MPHOSPH9: variants seen among roughly 807,000 people sequenced by gnomAD.
The protein encoded by MPHOSPH9 is M-phase phosphoprotein 9.
A neutral mutation model predicts 145.5 loss-of-function variants in MPHOSPH9; 88 were observed. The ratio of observed to expected loss-of-function variants is 0.60; its 90% CI spans 0.51 to 0.72. MPHOSPH9 has a LOEUF of 0.72. MPHOSPH9 is among the 30% of genes least tolerant of loss of function. The pLI, the probability that MPHOSPH9 is intolerant of heterozygous loss-of-function variation, is 0.00. For missense variants in MPHOSPH9, 1,238 were observed against 1,386.6 expected, an observed-to-expected ratio of 0.89 and a Z score of 1.70; for synonymous variants, 435 against 486.2, an observed-to-expected ratio of 0.89 and a Z score of 1.39.
intron 3 of MPHOSPH9, chr12:123,226,219 A>AT: frequency 1.7e-6 from 1 of 595,180 alleles, no homozygotes; most frequent in South Asian, 5.5e-5. Context: ...TGAAAACTCA[A>AT]TTTTTTAAGC....
chr12:123,209,433 T>G (rs1369560436), intron 8 of MPHOSPH9, among the ~76,000 whole-genome samples: 2 of 150,392 alleles, frequency 1.3e-5, no homozygotes, highest in African/African-American at 4.9e-5. Context: ...TGAGATGGAG[T>G]TGCACTCTCG....
chr12:123,187,866 C>T (rs1365887970), intron 13 of MPHOSPH9, among the ~76,000 whole-genome samples: 1 of 152,148 alleles, frequency 6.6e-6, no homozygotes, highest in Non-Finnish European at 1.5e-5. Flanking sequence ...TGGCTCGCAC[C>T]TGTAATCCCA....
chr12:123,188,755 G>A (rs2045557423), intron 13 of MPHOSPH9, among the ~76,000 whole-genome samples: 1 of 152,214 alleles, frequency 6.6e-6, no homozygotes, highest in African/African-American at 2.4e-5. Context: ...GGCTAAGGCA[G>A]GGGAATCGCT....
At chr12:123,165,831 G>T (rs1447180920) in intron 17 of MPHOSPH9, among the ~76,000 whole-genome samples, 1 of 152,194 alleles carries the variant, frequency 6.6e-6, no homozygotes, top group Non-Finnish European at 1.5e-5. Context: ...TGTTGTTTAT[G>T]CCACCCAGTC....
intron 4 of MPHOSPH9, among the ~76,000 whole-genome samples, chr12:123,222,668 G>A (rs546192592): frequency 5.3e-5 from 8 of 151,886 alleles, no homozygotes; most frequent in Non-Finnish European, 1.2e-4. Flanking sequence ...AAAAATAAAT[G>A]AAAATAAAAG....
intron 6 of MPHOSPH9, among the ~76,000 whole-genome samples, chr12:123,217,471 A>G (rs2047017469): frequency 1.3e-5 from 2 of 152,100 alleles, no homozygotes; most frequent in Admixed American, 6.6e-5. Flanking sequence ...TGCTGGGATT[A>G]CAAGCATGAG....
chr12:123,189,980 A>G (rs945109960), intron 13 of MPHOSPH9, among the ~76,000 whole-genome samples: 3 of 151,906 alleles, frequency 2.0e-5, no homozygotes, highest in African/African-American at 7.2e-5. Flanking sequence ...AGTATTTATA[A>G]AAGTTTCAAG....
At chr12:123,190,587 A>G (rs990625959) in intron 13 of MPHOSPH9, among the ~76,000 whole-genome samples, 6 of 152,364 alleles carry the variant, frequency 3.9e-5, no homozygotes, top group Non-Finnish European at 7.3e-5. Flanking sequence ...ATGTGTCAAC[A>G]TGGCAAATCT....
chr12:123,221,530 T>C lies in MPHOSPH9; in HGVS notation c.714A>G (p.Ser238=). Residue 238 remains serine, a synonymous_variant, in exon 5 of 24, where the codon TCA becomes TCG. Transcript: ENST00000606320. ...QYVAPAVPAE[S]LVDGVKNENF... The stretch of plus-strand genomic sequence containing the variant: ...TCTCATTTTTCACACCATCTACAAG[T>C]GACTCAGCCGGCACCGCAGGTGCTA... 2.5e-6 allele frequency: 4 copies of C among 1,614,234 alleles called. No individual in the cohort carries two copies. The highest frequency in any genetic ancestry group is 3.4e-6 in the Non-Finnish European group (4 of 1,180,044).
intron 16 of MPHOSPH9, among the ~76,000 whole-genome samples, chr12:123,174,123 A>G (rs1214569984): frequency 1.3e-5 from 2 of 152,194 alleles, no homozygotes; most frequent in Non-Finnish European, 2.9e-5. Context: ...TCTGGGTCAC[A>G]AAAGTCTTCT....
Position 123,202,681 on chromosome 12 carries a change from T to C in MPHOSPH9, c.1724A>G (p.Asn575Ser), listed in dbSNP as rs1255395250. ...VSQSQLPGTA[N>S]SVPECISLTS... ...CAATGAAATGCATTCTGGGACACTG[T>C]TGGCTGTACCTGGAAGCTGGGACTG... Residue 575 changes from asparagine to serine, a missense_variant, in exon 10 of 24, where the codon AAC becomes AGC. Around this residue, in one of 3 missense-constraint regions of MPHOSPH9, gnomAD observed 837 missense variants for 897.5 expected, o/e 0.93. Coordinates refer to ENST00000606320, the MANE Select transcript of MPHOSPH9 (RefSeq NM_022782.4). 2 of 1,614,172 alleles carry C rather than the reference T, an allele frequency of 1.2e-6. No individual in the cohort carries two copies. The highest frequency in any genetic ancestry group is 1.7e-5 in the Admixed American group (1 of 60,006).
rs1278908750 is a variant in MPHOSPH9, at chr12:123,221,615, T to A, written c.629A>T (p.Tyr210Phe). 1.2e-6 allele frequency: 2 copies of A among 1,614,216 alleles called. No homozygotes were observed. The highest frequency in any genetic ancestry group is 1.7e-6 in the Non-Finnish European group (2 of 1,180,026). ...GAACTCCTTAGGGTCTTTAGATTTG[T>A]ACAGATTTAATTCTGAGATACAAAA... ...GTFCISELNL[Y>F]KSKDPKEFME... is the part of the protein sequence containing the mutation. The change falls in exon 5 of 24, where the codon TAC (tyrosine) becomes TTC (phenylalanine). Residue 210 changes from tyrosine to phenylalanine, a missense_variant. Tyr to Phe is a conservative substitution (Grantham distance 22). Transcript: ENST00000606320.
chr12:123,156,076 C>G lies in MPHOSPH9; in HGVS notation c.*731G>C, dbSNP rs889395508. 1.3e-5 allele frequency: 2 copies of G among 152,182 alleles called. No homozygotes were observed. Among genetic ancestry groups the G allele is most frequent in the African/African-American group, 4.8e-5 (2 of 41,436 alleles). 9.4% of individuals were successfully genotyped at this position (152,182 alleles called of 1,614,324 possible). ...TCCATTTATTGTCCAGGGTGGGACA[C>G]AAGTTAATTCAGAACAATGGGCAGA... On this transcript the variant is annotated 3_prime_UTR_variant, in exon 24 of 24. Transcript: ENST00000606320.
chr12:123,231,831 T>C (rs2047648863), intron 1 of MPHOSPH9, among the ~76,000 whole-genome samples: 1 of 151,174 alleles, frequency 6.6e-6, no homozygotes, highest in African/African-American at 2.4e-5. Flanking sequence ...TTCATGCACT[T>C]ATAAAAGAGC....
chr12:123,237,102 A>T, upstream of MPHOSPH9, among the ~76,000 whole-genome samples: 1 of 152,114 alleles, frequency 6.6e-6, no homozygotes, highest in South Asian at 2.1e-4. Context: ...AAATAGAAGA[A>T]ATATGATACA....
At chr12:123,163,823 G>A in intron 19 of MPHOSPH9, 127 bp downstream of exon 19, 1 of 1,080,028 alleles carries the variant, frequency 9.3e-7, no homozygotes, top group Non-Finnish European at 1.3e-6. Context: ...GGGGTCCTCT[G>A]CTCAGAGTAC....
chr12:123,157,338 CTAAGT>C (rs2043908830), intron 23 of MPHOSPH9, among the ~76,000 whole-genome samples: 1 of 144,916 alleles, frequency 6.9e-6, no homozygotes, highest in Non-Finnish European at 1.5e-5. Context: ...ACCAAAATTT[CTAAGT>C]TAAAAAGGAA....
At chr12:123,185,828 G>T (rs909714863) in intron 13 of MPHOSPH9, among the ~76,000 whole-genome samples, 1 of 151,978 alleles carries the variant, frequency 6.6e-6, no homozygotes, top group Admixed American at 6.6e-5. Context: ...ATCTATAAAG[G>T]ATATTATTTA....
intron 17 of MPHOSPH9, among the ~76,000 whole-genome samples, chr12:123,166,054 C>T (rs1051911938): frequency 3.9e-5 from 6 of 152,316 alleles, no homozygotes; most frequent in South Asian, 2.1e-4. Context: ...AGGCTGCTCA[C>T]GCAGGCTCGG....
Sources: allele counts gnomAD v4.1 joint callset (sites outside exome capture counted in the v4.1 genomes callset), GRCh38; gene constraint gnomAD v4.1.1; regional missense constraint gnomAD v4.1.1; transcripts MANE v1.5; gene names NCBI Gene and HGNC (gene_info 2026-07-23, HGNC 2026-07-21).